The following STK32A variants were observed in gnomAD, a reference collection of about 807,000 sequenced individuals.
STK32A encodes the protein serine/threonine-protein kinase 32A.
In STK32A, 41 loss-of-function variants were observed where a neutral mutation model predicts 53.2. The observed-to-expected ratio is 0.77, with a 90% CI of 0.60 to 1.00. The LOEUF is 1.00. STK32A is among the 50% of genes least tolerant of loss of function. The pLI is 0.00. For missense variants in STK32A, 458 were observed against 485.8 expected (o/e 0.94, Z 0.54); for synonymous variants, 166 against 162.8 (o/e 1.02, Z -0.15).
At chr5:147,390,572 T>C (rs1757772597), downstream of STK32A, among the ~76,000 whole-genome samples, 1 of 151,786 alleles carries the variant, frequency 6.6e-6, no homozygotes, top group Non-Finnish European at 1.5e-5. Context: ...CTAAATTTGA[T>C]GATCCACAGA....
chr5:147,305,091 TA>T (rs969931416), intron 4 of STK32A, among the ~76,000 whole-genome samples: 5 of 149,236 alleles, frequency 3.4e-5, no homozygotes, highest in Non-Finnish European at 6.0e-5. Context: ...TCTAAAAAAC[TA>T]AAAAAAAAAT....
At chr5:147,393,968 C>G in the STK32A span, 1 of 1,482,740 alleles carries the variant, frequency 6.7e-7, no homozygotes, top group Non-Finnish European at 9.4e-7. Flanking sequence ...TCTTAAATAT[C>G]GGTGTACCAT....
chr5:147,323,110 C>T (rs1402913569), intron 4 of STK32A, among the ~76,000 whole-genome samples: 1 of 152,130 alleles, frequency 6.6e-6, no homozygotes, highest in Non-Finnish European at 1.5e-5. Context: ...TTGGCACCAC[C>T]ATTTGTCAGG....
intron 4 of STK32A, among the ~76,000 whole-genome samples, chr5:147,314,352 G>T (rs1048763666): frequency 2.6e-5 from 4 of 151,944 alleles, no homozygotes; most frequent in African/African-American, 9.7e-5. Context: ...ATAAAAATTA[G>T]CTGGGTGTGG....
chr5:147,361,643 AT>A, intron 8 of STK32A, 29 bp downstream of exon 8: 2 of 1,467,888 alleles, frequency 1.4e-6, no homozygotes, highest in Non-Finnish European at 1.9e-6. Context: ...CTCTTTGGTT[AT>A]TTTTCCAGCA....
In STK32A at chr5:147,384,030, A is replaced by G. The variant is rs755214767; in HGVS notation, c.*47A>G. On this transcript the variant is annotated 3_prime_UTR_variant, in exon 13 of 13. Transcript: ENST00000397936. The stretch of plus-strand genomic sequence containing the variant: ...GGACAATCTCATGCCAGAAACTTCT[A>G]ATTACATATGTCAAGAAAAGCTGAC... The G allele has an allele frequency of 2.2e-5, 35 of 1,571,718 alleles. No homozygotes were observed. The highest frequency in any genetic ancestry group is 6.1e-5 in the Admixed American group (3 of 49,406).
At chr5:147,332,350 T>A in intron 5 of STK32A, among the ~76,000 whole-genome samples, 1 of 125,620 alleles carries the variant, frequency 8.0e-6, no homozygotes, top group South Asian at 2.2e-4. Flanking sequence ...TCTGTAGGCT[T>A]TTTTTTTTTT....
intron 2 of STK32A, among the ~76,000 whole-genome samples, chr5:147,265,676 C>A (rs1160043550): frequency 6.6e-6 from 1 of 151,956 alleles, no homozygotes; most frequent in Non-Finnish European, 1.5e-5. Context: ...TCCATCAGTG[C>A]CTAGGAAAGT....
chr5:147,281,517 G>A (rs1041902284), intron 4 of STK32A, among the ~76,000 whole-genome samples: 3 of 152,028 alleles, frequency 2.0e-5, no homozygotes, highest in Admixed American at 6.6e-5. Flanking sequence ...TTCAGAGCTC[G>A]AAGACAAAGT....
At chr5:147,266,048 G>A (rs1157654962) in intron 2 of STK32A, among the ~76,000 whole-genome samples, 2 of 152,174 alleles carry the variant, frequency 1.3e-5, no homozygotes, top group Non-Finnish European at 2.9e-5. Context: ...CAGGTATACG[G>A]TAGACTGTAA....
chr5:147,399,481 CT>C, the STK32A span, among the ~76,000 whole-genome samples: 35,206 of 151,974 alleles, frequency 0.23, 4,636 homozygotes, highest in East Asian at 0.54. Context: ...GTTACTGCCC[CT>C]GAAGTATGCA....
At chr5:147,255,001 G>T (rs991872504) in intron 2 of STK32A, among the ~76,000 whole-genome samples, 2 of 152,070 alleles carry the variant, frequency 1.3e-5, no homozygotes, top group Admixed American at 1.3e-4. Flanking sequence ...TTAGCTGGGC[G>T]TGGTGGCAGG....
chr5:147,323,811 G>A (rs1199169823), intron 4 of STK32A, 87 bp from the exon 5 acceptor site: 7 of 1,182,196 alleles, frequency 5.9e-6, no homozygotes. Context: ...AGAACACTCT[G>A]CTCTGATCTG....
At chr5:147,308,652 A>T (rs912765713) in intron 4 of STK32A, among the ~76,000 whole-genome samples, 1 of 151,616 alleles carries the variant, frequency 6.6e-6, no homozygotes, top group Admixed American at 6.6e-5. Context: ...AGTTTATAAA[A>T]TATTTGCTGT....
intron 7 of STK32A, among the ~76,000 whole-genome samples, chr5:147,351,383 C>A (rs893166516): frequency 6.6e-6 from 1 of 152,036 alleles, no homozygotes; most frequent in African/African-American, 2.4e-5. Context: ...CAAGGAAGAC[C>A]GTTTGTACCC....
intron 5 of STK32A, among the ~76,000 whole-genome samples, chr5:147,339,075 C>G (rs748010680): frequency 3.3e-5 from 5 of 152,254 alleles, no homozygotes; most frequent in Non-Finnish European, 7.4e-5. Flanking sequence ...ATGGCCAAGA[C>G]GATGGGGAAA....
chr5:147,391,904 T>C (rs1757819725), downstream of STK32A: 2 of 152,156 alleles, frequency 1.3e-5, no homozygotes, highest in Admixed American at 6.5e-5. Flanking sequence ...GGATGACCGA[T>C]TTGGCCATGG....
chr5:147,318,028 A>T (rs2151975362), intron 4 of STK32A, among the ~76,000 whole-genome samples: 1 of 152,236 alleles, frequency 6.6e-6, no homozygotes, highest in East Asian at 1.9e-4. Flanking sequence ...TAATCCCACC[A>T]TTTATGTAAC....
intron 2 of STK32A, among the ~76,000 whole-genome samples, chr5:147,244,822 T>C (rs184858257): frequency 2.0e-5 from 3 of 152,294 alleles, no homozygotes; most frequent in East Asian, 1.9e-4. Context: ...TTTGTGAGGA[T>C]TGAATAAATA....
Sources: allele counts gnomAD v4.1 joint callset (sites outside exome capture counted in the v4.1 genomes callset), GRCh38; gene constraint gnomAD v4.1.1; transcripts MANE v1.5; gene names NCBI Gene and HGNC (gene_info 2026-07-23, HGNC 2026-07-21).